Variants in THRAP3 observed in about 807,000 individuals in gnomAD.
THRAP3 encodes thyroid hormone receptor associated protein 3.
THRAP3 carries 16 observed loss-of-function variants against 101.0 expected under a neutral mutation model. The ratio of observed to expected loss-of-function variants is 0.16; its 90% CI spans 0.11 to 0.24. The LOEUF (loss-of-function observed/expected upper bound fraction) is 0.24, where lower values mean the gene tolerates loss of function less well. Ranked by LOEUF, THRAP3 falls within the 10% of genes least tolerant of loss-of-function variation. The pLI, the probability that THRAP3 is intolerant of heterozygous loss-of-function variation, is 1.00. For synonymous variants in THRAP3, 407 were observed against 422.6 expected (o/e 0.96, Z 0.45); for missense variants, 989 against 1,202.7 (o/e 0.82, Z 2.63).
chr1:36,218,057 A>G, the THRAP3 span, among the ~76,000 whole-genome samples: 1 of 152,172 alleles, frequency 6.6e-6, no homozygotes, highest in East Asian at 1.9e-4. Flanking sequence ...TTGTGAACGC[A>G]GAGAAAAAGT....
At chr1:36,214,628 G>C in the THRAP3 span, among the ~76,000 whole-genome samples, 1 of 152,118 alleles carries the variant, frequency 6.6e-6, no homozygotes, top group African/African-American at 2.4e-5. Context: ...GAAGGCCGAG[G>C]TGGGTGGATC....
At chr1:36,301,918 A>G (rs1031349687) in intron 11 of THRAP3, among the ~76,000 whole-genome samples, 1 of 152,236 alleles carries the variant, frequency 6.6e-6, no homozygotes, top group African/African-American at 2.4e-5. Flanking sequence ...GTGGATTCCA[A>G]GATAAGCAAG....
In THRAP3 at chr1:36,287,214, T is replaced by C. The variant is rs753730435; in HGVS notation, c.984T>C (p.Tyr328=). The C allele has an allele frequency of 5.0e-6, 8 of 1,613,894 alleles. No individual in the cohort carries two copies. Among genetic ancestry groups the C allele is most frequent in the South Asian group, 3.3e-5 (3 of 91,080 alleles). The change falls in exon 4 of 12, where the codon TAT becomes TAC. Residue 328 remains tyrosine, a synonymous_variant. Transcript: ENST00000354618. ...GKSPPSTGST[Y]GSSQKEESAA... ...GTCCACCATCCACTGGCTCCACATA[T>C]GGCTCATCTCAGAAGGAGGAGAGTG... is the stretch of plus-strand genomic sequence containing the variant.
At chr1:36,299,318 A>T (rs1646000381) in intron 9 of THRAP3, among the ~76,000 whole-genome samples, 1 of 151,652 alleles carries the variant, frequency 6.6e-6, no homozygotes, top group African/African-American at 2.4e-5. Context: ...GGGTGCCTGT[A>T]ATCCCCACTG....
chr1:36,220,523 T>A (rs542720178), upstream of THRAP3, among the ~76,000 whole-genome samples: 1 of 151,892 alleles, frequency 6.6e-6, no homozygotes, highest in East Asian at 1.9e-4. Context: ...ACTCTTGTTG[T>A]AAATGTTGTG....
chr1:36,283,012 A>G (rs1443578991), intron 3 of THRAP3, among the ~76,000 whole-genome samples: 2 of 152,186 alleles, frequency 1.3e-5, no homozygotes, highest in African/African-American at 2.4e-5. Context: ...ATTTTTCACC[A>G]AATTATTTTT....
At chr1:36,244,722 G>GTT (rs571871133) in intron 1 of THRAP3, among the ~76,000 whole-genome samples, 4 of 142,128 alleles carry the variant, frequency 2.8e-5, no homozygotes, top group Admixed American at 7.1e-5. Context: ...TTACTTGTGG[G>GTT]TTTTTTTTTT....
intron 3 of THRAP3, among the ~76,000 whole-genome samples, chr1:36,283,219 T>G (rs1171995178): frequency 1.3e-5 from 2 of 152,240 alleles, no homozygotes; most frequent in Non-Finnish European, 2.9e-5. Context: ...TCTTAAAACT[T>G]TTTAAAAATC....
At chr1:36,240,312 C>T (rs1007867125) in intron 1 of THRAP3, among the ~76,000 whole-genome samples, 5 of 152,136 alleles carry the variant, frequency 3.3e-5, no homozygotes, top group Non-Finnish European at 5.9e-5. Context: ...GGTGAAAGGG[C>T]CCGAGAGCCC....
chr1:36,236,724 A>G (rs1032973238), intron 1 of THRAP3, among the ~76,000 whole-genome samples: 1 of 152,216 alleles, frequency 6.6e-6, no homozygotes, highest in Non-Finnish European at 1.5e-5. Context: ...CACCATTTTC[A>G]TATTAACTAA....
the THRAP3 span, among the ~76,000 whole-genome samples, chr1:36,214,434 A>G: frequency 6.6e-6 from 1 of 152,202 alleles, no homozygotes; most frequent in Non-Finnish European, 1.5e-5. Flanking sequence ...ATCCCCACTG[A>G]GAATACACTA....
chr1:36,274,367 C>T (rs1347593379), intron 2 of THRAP3, among the ~76,000 whole-genome samples: 1 of 152,168 alleles, frequency 6.6e-6, no homozygotes, highest in Non-Finnish European at 1.5e-5. Context: ...ACAGATTCAG[C>T]ACACACACTG....
chr1:36,296,468 A>G, intron 8 of THRAP3, 115 bp from the exon 9 acceptor site: 1 of 801,716 alleles, frequency 1.2e-6, no homozygotes, highest in Non-Finnish European at 1.9e-6. Context: ...GATGCCTCAC[A>G]TTTCCCAGTG....
intron 3 of THRAP3, among the ~76,000 whole-genome samples, chr1:36,282,909 C>T (rs1557444888): frequency 6.6e-6 from 1 of 152,198 alleles, no homozygotes. Context: ...TGATTCCTTT[C>T]CTCTGCCAGC....
intron 1 of THRAP3, among the ~76,000 whole-genome samples, chr1:36,248,627 A>G (rs1645260404): frequency 6.6e-6 from 1 of 152,010 alleles, no homozygotes; most frequent in South Asian, 2.1e-4. Context: ...TTTATGGCCC[A>G]GGCTGGTCTT....
At chr1:36,242,095 C>CTG (rs1347232697) in intron 1 of THRAP3, 4 of 183,160 alleles carry the variant, frequency 2.2e-5, no homozygotes, top group African/African-American at 9.4e-5. Flanking sequence ...ATAAACCTAA[C>CTG]TGATGGAGCT....
chr1:36,265,828 T>G (rs1645506825), intron 2 of THRAP3, among the ~76,000 whole-genome samples: 1 of 151,962 alleles, frequency 6.6e-6, no homozygotes, highest in Admixed American at 6.6e-5. Context: ...TCCCCATCCC[T>G]TTGCCCCCTA....
chr1:36,288,956 A>T lies in THRAP3; in HGVS notation c.1041-104A>T, dbSNP rs368826185. 60 of 1,387,830 alleles carry T rather than the reference A, an allele frequency of 4.3e-5. 1 individual carries two copies. In the East Asian group the frequency reaches 7.3e-4, roughly 17 times the overall value. The allele number at this position is 1,387,830 out of a possible 1,614,324, so 86.0% of individuals were successfully genotyped here. ...CTTTGGTAATACAGGAATCCATAAG[A>T]CATGTTTTTTTCAGAGAATCAAAAA... On this transcript the variant is annotated intron_variant, in intron 4 of 11. Transcript: ENST00000354618.
At chr1:36,270,595 G>A (rs946433033) in intron 2 of THRAP3, among the ~76,000 whole-genome samples, 2 of 70,436 alleles carry the variant, frequency 2.8e-5, no homozygotes, top group South Asian at 8.7e-4. Context: ...TTTTTTTTTT[G>A]AGACGGAGTT....
Sources: allele counts gnomAD v4.1 joint callset (sites outside exome capture counted in the v4.1 genomes callset), GRCh38; gene constraint gnomAD v4.1.1; transcripts MANE v1.5; gene names NCBI Gene and HGNC (gene_info 2026-07-23, HGNC 2026-07-21).